The following JMJD1C variants were observed in gnomAD, a reference collection of about 807,000 sequenced individuals.
JMJD1C encodes jumonji domain containing 1C.
Under a neutral mutation model 245.3 loss-of-function variants are expected in JMJD1C, and 31 were observed. That is an observed-to-expected ratio of 0.13 (90% CI 0.09 to 0.17). The LOEUF is 0.17. Among genes scored for constraint, JMJD1C ranks in the 10% least tolerant of loss-of-function variants. JMJD1C has a pLI of 1.00. For synonymous variants in JMJD1C, 1,057 were observed against 1,017.4 expected, an observed-to-expected ratio of 1.04 and a Z score of -0.74; for missense variants, 2,691 against 3,000.2, an observed-to-expected ratio of 0.90 and a Z score of 2.41.
At position 63,217,192 on chromosome 10, in the gene JMJD1C, A is replaced by T; in HGVS notation, c.678+15T>A. On this transcript the variant is annotated intron_variant, in intron 5 of 25. Coordinates refer to ENST00000399262, the MANE Select transcript of JMJD1C (RefSeq NM_032776.3). The stretch of plus-strand genomic sequence containing the variant: ...CTTTTAAAATCTCTATAAAAATATT[A>T]GTGGAACTATTTACCTGATCATTCA... 6.3e-7 allele frequency: 1 copy of T among 1,595,956 alleles called. No homozygotes were observed. Among genetic ancestry groups the T allele is most frequent in the South Asian group, 1.1e-5 (1 of 87,266 alleles).
chr10:63,436,892 T>C (rs1951086151), intron 1 of JMJD1C, among the ~76,000 whole-genome samples: 1 of 152,222 alleles, frequency 6.6e-6, no homozygotes, highest in Admixed American at 6.5e-5. Context: ...TTTCTCTCTC[T>C]CATGCCACTA....
intron 1 of JMJD1C, among the ~76,000 whole-genome samples, chr10:63,514,665 G>A (rs1240207391): frequency 6.6e-6 from 1 of 151,986 alleles, no homozygotes; most frequent in Non-Finnish European, 1.5e-5. Context: ...GAAAAACTGT[G>A]GGATACTAAG....
At chr10:63,377,929 A>G (rs1946892430) in intron 2 of JMJD1C, among the ~76,000 whole-genome samples, 1 of 150,676 alleles carries the variant, frequency 6.6e-6, no homozygotes, top group Admixed American at 6.6e-5. Context: ...GGCAAAAAAA[A>G]AAAAGGAACC....
chr10:63,237,049 TG>T (rs2133451158), intron 3 of JMJD1C, among the ~76,000 whole-genome samples: 1 of 152,340 alleles, frequency 6.6e-6, no homozygotes, highest in South Asian at 2.1e-4. Flanking sequence ...TGTTTTGTTT[TG>T]TTTTTTTAAG....
In JMJD1C at chr10:63,481,769, C is replaced by T. The variant is rs572158511; in HGVS notation, n.113+39969G>A. On this transcript the variant is annotated intron_variant and non_coding_transcript_variant, in intron 1 of 3. Coordinates refer to the JMJD1C transcript ENST00000633035. ...GTAAAAATCAGGAGAGAAAACAAACCCCCAAAACAAGGTAGTAAGACACAC... is the reference window on the plus strand; with the variant it reads ...GTAAAAATCAGGAGAGAAAACAAACTCCCAAAACAAGGTAGTAAGACACAC... Among the ~76,000 whole-genome samples the T allele has an allele frequency of 1.6e-4, 24 of 152,108 alleles. No individual in the cohort carries two copies. In the South Asian group the frequency reaches 4.8e-3, roughly 30 times the overall value.
chr10:63,226,693 C>T (rs796632444), intron 3 of JMJD1C, among the ~76,000 whole-genome samples: 9 of 117,474 alleles, frequency 7.7e-5, no homozygotes, highest in South Asian at 2.8e-4. Flanking sequence ...TCAGCCTGGG[C>T]GACAAAGCAC....
intron 2 of JMJD1C, among the ~76,000 whole-genome samples, chr10:63,297,259 T>G (rs1859558802): frequency 6.6e-6 from 1 of 152,190 alleles, no homozygotes; most frequent in Non-Finnish European, 1.5e-5. Flanking sequence ...CCTTGATGCC[T>G]TTTGGCCAGT....
chr10:63,222,136 A>C (rs1848668491), intron 3 of JMJD1C: 1 of 710,024 alleles, frequency 1.4e-6, no homozygotes, highest in Admixed American at 1.8e-5. Context: ...TCCGCCAGGG[A>C]GGTCCCCCAT....
intron 2 of JMJD1C, among the ~76,000 whole-genome samples, chr10:63,298,352 G>T (rs1454508074): frequency 6.6e-6 from 1 of 152,164 alleles, no homozygotes; most frequent in Non-Finnish European, 1.5e-5. Context: ...ACATAAACAG[G>T]ACCATGTCTC....
chr10:63,453,777 T>G (rs955876474), intron 1 of JMJD1C, among the ~76,000 whole-genome samples: 4 of 152,214 alleles, frequency 2.6e-5, no homozygotes, highest in Non-Finnish European at 4.4e-5. Flanking sequence ...CTCGCTCTGT[T>G]GCCCAGGTTG....
At chr10:63,368,060 A>T (rs1005971654) in intron 2 of JMJD1C, among the ~76,000 whole-genome samples, 1 of 152,218 alleles carries the variant, frequency 6.6e-6, no homozygotes, top group Non-Finnish European at 1.5e-5. Context: ...AATTAATTTC[A>T]AATAGTACAG....
intron 1 of JMJD1C, among the ~76,000 whole-genome samples, chr10:63,483,334 C>A (rs542630578): frequency 1.3e-5 from 2 of 152,150 alleles, no homozygotes; most frequent in African/African-American, 2.4e-5. Flanking sequence ...TCCAAGTGAG[C>A]GGTTGCATAA....
chr10:63,411,569 G>C (rs1949480922), intron 1 of JMJD1C, among the ~76,000 whole-genome samples: 1 of 151,308 alleles, frequency 6.6e-6, no homozygotes, highest in African/African-American at 2.4e-5. Context: ...AGAGTGCTGG[G>C]ATTACAGGCG....
chr10:63,245,056 C>A (rs1851997742), intron 3 of JMJD1C, among the ~76,000 whole-genome samples: 1 of 141,958 alleles, frequency 7.0e-6, no homozygotes, highest in South Asian at 2.2e-4. Context: ...AGAACCTGAA[C>A]CCAAGAGGTG....
At chr10:63,347,807 C>T (rs949135580) in intron 2 of JMJD1C, among the ~76,000 whole-genome samples, 10 of 151,428 alleles carry the variant, frequency 6.6e-5, no homozygotes, top group African/African-American at 1.9e-4. Context: ...CCAGCTACTC[C>T]GGCGGCGGAG....
chr10:63,292,525 T>C (rs1182862241), intron 2 of JMJD1C, among the ~76,000 whole-genome samples: 1 of 151,856 alleles, frequency 6.6e-6, no homozygotes, highest in Non-Finnish European at 1.5e-5. Context: ...GTGGGAGAAT[T>C]GCTTGAACCC....
intron 1 of JMJD1C, among the ~76,000 whole-genome samples, chr10:63,391,581 C>A (rs1441528428): frequency 6.6e-6 from 1 of 151,992 alleles, no homozygotes. Flanking sequence ...GAAAAAACAT[C>A]CATGAATAAA....
intron 8 of JMJD1C, among the ~76,000 whole-genome samples, chr10:63,210,008 T>C (rs933835625): frequency 2.0e-5 from 3 of 152,192 alleles, no homozygotes; most frequent in Non-Finnish European, 2.9e-5. Flanking sequence ...ACAACCTCCT[T>C]TGTATTTTCT....
chr10:63,521,886 C>G (rs1218332129), upstream of JMJD1C: 2 of 155,100 alleles, frequency 1.3e-5, no homozygotes, highest in Non-Finnish European at 2.8e-5. Flanking sequence ...GGTGGGCAGG[C>G]GCTCAGGGCA....
Sources: gnomAD v4.1 joint callset for allele counts (sites outside exome capture counted in the v4.1 genomes callset) on GRCh38, gnomAD v4.1.1 for gene constraint, MANE v1.5 for transcripts, NCBI Gene and HGNC (gene_info 2026-07-23, HGNC 2026-07-21) for gene names.